Variants in CNTNAP2 observed in about 807,000 individuals in gnomAD.
The protein encoded by CNTNAP2 is contactin associated protein 2, also known as contactin-associated protein-like 2.
Under a neutral mutation model 155.2 loss-of-function variants are expected in CNTNAP2, and 98 were observed. The ratio of observed to expected loss-of-function variants is 0.63; its 90% CI spans 0.54 to 0.75. The LOEUF (loss-of-function observed/expected upper bound fraction) is 0.75. Among genes scored for constraint, CNTNAP2 ranks in the 30% least tolerant of loss-of-function variants. The pLI is 0.00. For synonymous variants in CNTNAP2, 651 were observed against 631.2 expected (o/e 1.03, Z -0.47); for missense variants, 1,727 against 1,688.1 (o/e 1.02, Z -0.40).
intron 1 of CNTNAP2, among the ~76,000 whole-genome samples, chr7:146,471,523 T>G (rs1013906798): frequency 2.2e-4 from 33 of 152,226 alleles, no homozygotes; most frequent in African/African-American, 7.5e-4. Context: ...TTCCATGATG[T>G]TTGCTGTGAT....
At chr7:147,855,648 A>C (rs1799023419) in intron 13 of CNTNAP2, among the ~76,000 whole-genome samples, 1 of 152,124 alleles carries the variant, frequency 6.6e-6, no homozygotes, top group Non-Finnish European at 1.5e-5. Flanking sequence ...GTACAATTGC[A>C]AAACAAATAA....
rs369398005 is a variant in CNTNAP2, at chr7:146,943,812, ATTAC to A, written c.403-100089_403-100086del. Among the ~76,000 whole-genome samples, 7 of 152,308 alleles carry A rather than the reference ATTAC, an allele frequency of 4.6e-5. 1 individual carries two copies. Among genetic ancestry groups the A allele is most frequent in the African/African-American group, 1.4e-4 (6 of 41,578 alleles). ...AAGAACTACAGGAGAACTGAGAGAAATTACTTACTACTGCAATACTCAATTACTG... is the reference window on the plus strand; with the variant it reads ...AAGAACTACAGGAGAACTGAGAGAAATTACTACTGCAATACTCAATTACTG... On this transcript the variant is annotated intron_variant, in intron 3 of 23. Transcript: ENST00000361727.
intron 8 of CNTNAP2, among the ~76,000 whole-genome samples, chr7:147,209,747 A>G (rs1426150283): frequency 1.3e-5 from 2 of 151,790 alleles, no homozygotes; most frequent in Admixed American, 6.6e-5. Context: ...TACTATTTTG[A>G]GGTATGTTCC....
At chr7:146,852,595 T>C (rs759445176) in intron 3 of CNTNAP2, among the ~76,000 whole-genome samples, 21 of 152,214 alleles carry the variant, frequency 1.4e-4, no homozygotes, top group Admixed American at 3.9e-4. Context: ...TTCTTTGAGA[T>C]ATAGTAATTA....
rs553056637 is a variant in CNTNAP2, at chr7:148,173,844, C to T, written c.3010+1366C>T. ...TCCTTGCCAAAGTAATGTCTGAATGCAATCAAGTAAGCACTAATGCCTGCG... is the reference window on the plus strand; with the variant it reads ...TCCTTGCCAAAGTAATGTCTGAATGTAATCAAGTAAGCACTAATGCCTGCG... On this transcript the variant is annotated intron_variant, in intron 18 of 23. Coordinates refer to ENST00000361727, the MANE Select transcript of CNTNAP2 (RefSeq NM_014141.6). 7.2e-5 allele frequency among the ~76,000 whole-genome samples: 11 copies of T among 152,336 alleles called. No homozygotes were observed. The South Asian group carries it at 8.3e-4, about 11-fold the overall frequency.
chr7:146,615,889 C>G (rs1024571798), intron 1 of CNTNAP2, among the ~76,000 whole-genome samples: 1 of 152,208 alleles, frequency 6.6e-6, no homozygotes, highest in Non-Finnish European at 1.5e-5. Flanking sequence ...TCCTTGTCCC[C>G]TTGGGATCAT....
intron 3 of CNTNAP2, among the ~76,000 whole-genome samples, chr7:146,862,122 CTT>C (rs1373150798): frequency 2.0e-5 from 3 of 152,128 alleles, no homozygotes; most frequent in Non-Finnish European, 2.9e-5. Context: ...AATGTTAAGA[CTT>C]TAGAATGCAG....
At chr7:147,203,414 T>C (rs1802959434) in intron 8 of CNTNAP2, among the ~76,000 whole-genome samples, 1 of 151,992 alleles carries the variant, frequency 6.6e-6, no homozygotes. Context: ...GTATTTTTAG[T>C]AGAGATAGTG....
rs151216988 is a variant in CNTNAP2, at chr7:148,268,380, G to A, written c.3475+1254G>A. Among the ~76,000 whole-genome samples, 554 of 152,200 alleles carry A rather than the reference G, an allele frequency of 3.6e-3. 1 individual carries two copies. Among genetic ancestry groups the A allele is most frequent in the Non-Finnish European group, 6.1e-3 (412 of 68,022 alleles). ...CTATAATAAAAATAATAGACTGGGCGTGGCGGCTCATGTCTGTAATCCCAG... is the reference window on the plus strand; with the variant it reads ...CTATAATAAAAATAATAGACTGGGCATGGCGGCTCATGTCTGTAATCCCAG... On this transcript the variant is annotated intron_variant, in intron 21 of 23. Coordinates refer to ENST00000361727, the MANE Select transcript of CNTNAP2 (RefSeq NM_014141.6).
At chr7:147,261,081 C>T (rs1046886635) in intron 8 of CNTNAP2, among the ~76,000 whole-genome samples, 16 of 152,320 alleles carry the variant, frequency 1.1e-4, no homozygotes, top group African/African-American at 3.8e-4. Flanking sequence ...TTGTAATAAA[C>T]ATGTTATTCG....
Position 146,853,609 on chromosome 7 carries a change from C to T in CNTNAP2, c.402+13705C>T, listed in dbSNP as rs1407713714. On this transcript the variant is annotated intron_variant, in intron 3 of 23. Coordinates refer to ENST00000361727, the MANE Select transcript of CNTNAP2 (RefSeq NM_014141.6). ...TGGTAAGCACTTTTTGTGTCAATTA[C>T]TGTAACAAGATCCTGAGAGGTAAGA... 4.6e-5 allele frequency among the ~76,000 whole-genome samples: 7 copies of T among 152,180 alleles called. No homozygotes were observed. The East Asian group carries it at 1.2e-3, about 25-fold the overall frequency.
At chr7:147,976,622 A>T (rs938704499) in intron 14 of CNTNAP2, among the ~76,000 whole-genome samples, 11 of 152,146 alleles carry the variant, frequency 7.2e-5, no homozygotes, top group Non-Finnish European at 1.2e-4. Flanking sequence ...AAGTTCTGTG[A>T]CTCCTTCCTG....
chr7:147,370,221 A>G (rs1401665509), intron 9 of CNTNAP2, among the ~76,000 whole-genome samples: 3 of 152,232 alleles, frequency 2.0e-5, no homozygotes, highest in East Asian at 1.9e-4. Flanking sequence ...GTACTTAAAT[A>G]TATATGGAAG....
At chr7:147,147,528 G>A (rs1259828694) in intron 8 of CNTNAP2, among the ~76,000 whole-genome samples, 2 of 152,118 alleles carry the variant, frequency 1.3e-5, no homozygotes, top group Non-Finnish European at 2.9e-5. Flanking sequence ...GAGAGCTGAA[G>A]GCATGATAGA....
chr7:147,715,246 A>G (rs1173295870), intron 13 of CNTNAP2, among the ~76,000 whole-genome samples: 2 of 152,148 alleles, frequency 1.3e-5, no homozygotes, highest in Non-Finnish European at 2.9e-5. Flanking sequence ...TTATTTTAAA[A>G]GAAACTATCA....
chr7:147,558,803 C>T (rs1170125565), intron 11 of CNTNAP2, among the ~76,000 whole-genome samples: 6 of 151,734 alleles, frequency 4.0e-5, no homozygotes, highest in Non-Finnish European at 2.9e-5. Context: ...AGTGCGGTGG[C>T]ACAATCTTAT....
chr7:147,721,307 G>T (rs979926965), intron 13 of CNTNAP2, among the ~76,000 whole-genome samples: 4 of 151,850 alleles, frequency 2.6e-5, no homozygotes, highest in Non-Finnish European at 5.9e-5. Context: ...GTTTGTTTTT[G>T]GTTTTGGACT....
At chr7:147,552,962 G>T (rs1490049129) in intron 11 of CNTNAP2, among the ~76,000 whole-genome samples, 1 of 152,104 alleles carries the variant, frequency 6.6e-6, no homozygotes. Context: ...ACAGTCAAGA[G>T]GCAAAAAGAA....
chr7:146,361,771 A>G (rs901241056), intron 1 of CNTNAP2, among the ~76,000 whole-genome samples: 1 of 150,214 alleles, frequency 6.7e-6, no homozygotes, highest in African/African-American at 2.4e-5. Flanking sequence ...CGATTAGCCT[A>G]TTGAAGACAT....
Sources: gnomAD v4.1 joint callset for allele counts (sites outside exome capture counted in the v4.1 genomes callset) on GRCh38, gnomAD v4.1.1 for gene constraint, MANE v1.5 for transcripts, NCBI Gene and HGNC (gene_info 2026-07-23, HGNC 2026-07-21) for gene names.